The following GSTA4 variants were observed in gnomAD, a reference collection of about 807,000 sequenced individuals.
GSTA4 encodes the protein glutathione S-transferase A4.
Under a neutral mutation model 24.4 loss-of-function variants are expected in GSTA4, and 15 were observed. The observed-to-expected ratio is 0.61, with a 90% CI of 0.41 to 0.95. The LOEUF is 0.95. Among genes scored for constraint, GSTA4 ranks in the 40% least tolerant of loss-of-function variants. The pLI is 0.00. For missense variants in GSTA4, 244 were observed against 262.1 expected (o/e 0.93, Z 0.48); for synonymous variants, 92 against 94.2 (o/e 0.98, Z 0.13).
At chr6:52,986,780 G>A (rs1467043267) in intron 3 of GSTA4, among the ~76,000 whole-genome samples, 1 of 152,232 alleles carries the variant, frequency 6.6e-6, no homozygotes, top group African/African-American at 2.4e-5. Context: ...GGACCCTGCT[G>A]TTGGCTGGGA....
Position 52,978,467 on chromosome 6 carries a change from G to C in GSTA4, c.*3C>G, listed in dbSNP as rs1763386174. The C allele has an allele frequency of 6.2e-7, 1 of 1,613,308 alleles. No homozygotes were observed. Among genetic ancestry groups the C allele is most frequent in the Admixed American group, 1.7e-5 (1 of 59,882 alleles). On this transcript the variant is annotated 3_prime_UTR_variant, in exon 7 of 7. Coordinates refer to ENST00000370963, the MANE Select transcript of GSTA4 (RefSeq NM_001512.4). ...ACTGTCACTCACACATGGATGTGTT[G>C]TTTTATGGCCTAAAGATGTTGTAGA... is the stretch of plus-strand genomic sequence containing the variant.
chr6:52,982,738 T>C (rs768558291), intron 5 of GSTA4, 33 bp from the exon 6 acceptor site: 3 of 1,574,244 alleles, frequency 1.9e-6, no homozygotes, highest in African/African-American at 2.7e-5. Context: ...AGTTACAATA[T>C]TCCACATGGA....
Position 52,978,594 on chromosome 6 carries a change from T to C in GSTA4, c.547-2A>G. On this transcript the variant is annotated splice_acceptor_variant, in intron 6 of 6. Coordinates refer to ENST00000370963, the MANE Select transcript of GSTA4 (RefSeq NM_001512.4). LOFTEE classifies it high-confidence loss of function. ...ATTACTTAGTTTCACTGTGTATTCCTGAAAAAGGAAAACCAAAACTTTAAG... is the reference window on the plus strand; with the variant it reads ...ATTACTTAGTTTCACTGTGTATTCCCGAAAAAGGAAAACCAAAACTTTAAG... 1.3e-6 allele frequency: 2 copies of C among 1,597,654 alleles called. No homozygotes were observed. The highest frequency in any genetic ancestry group is 2.2e-5 in the East Asian group (1 of 44,546).
intron 2 of GSTA4, among the ~76,000 whole-genome samples, chr6:52,988,752 G>A (rs549317911): frequency 4.7e-4 from 71 of 152,132 alleles, no homozygotes; most frequent in African/African-American, 1.6e-3. Flanking sequence ...TAGACATTTG[G>A]GGGAAAACGG....
chr6:52,982,472 AC>A, intron 6 of GSTA4, 101 bp downstream of exon 6: 1 of 651,602 alleles, frequency 1.5e-6, no homozygotes, highest in Non-Finnish European at 2.4e-6. Flanking sequence ...AAAATATTAC[AC>A]ATACACACAC....
At chr6:52,994,086 A>G (rs1164839301) in intron 2 of GSTA4, 71 bp downstream of exon 2, 1 of 1,042,306 alleles carries the variant, frequency 9.6e-7, no homozygotes, top group East Asian at 2.4e-5. Flanking sequence ...ACGGTGCTTC[A>G]AAACGTATTT....
At chr6:52,987,889 T>C (rs1763593194) in intron 2 of GSTA4, 1 of 152,434 alleles carries the variant, frequency 6.6e-6, no homozygotes, top group Non-Finnish European at 1.5e-5. Flanking sequence ...TGTATCAAAA[T>C]ATCAAATGTA....
In GSTA4 at chr6:52,987,519, G is replaced by C. The variant is rs192320353; in HGVS notation, c.88-111C>G. 7.9e-6 allele frequency: 5 copies of C among 634,460 alleles called. No individual in the cohort carries two copies. In the Admixed American group the frequency reaches 1.4e-4, roughly 17 times the overall value. The allele number at this position is 634,460 out of a possible 1,614,324, so 39.3% of individuals were successfully genotyped here. A position where few individuals can be genotyped will look rare whatever the true frequency, so the allele number is the denominator to read the frequency against. On this transcript the variant is annotated intron_variant, in intron 2 of 6. Transcript: ENST00000370963. ...CACCAACAGAAACAGAGGTCATTACGTTAAGTGAAATAAGCCAGGCACAGA... is the reference window on the plus strand; with the variant it reads ...CACCAACAGAAACAGAGGTCATTACCTTAAGTGAAATAAGCCAGGCACAGA...
intron 2 of GSTA4, among the ~76,000 whole-genome samples, chr6:52,990,868 G>A (rs13191212): frequency 0.072 from 10,932 of 152,126 alleles, 461 homozygotes; most frequent in Non-Finnish European, 0.091. Flanking sequence ...GAAACAAGAG[G>A]GCGAGGTGGG....
chr6:52,982,783 T>C (rs1298314391), intron 5 of GSTA4, 78 bp from the exon 6 acceptor site: 3 of 1,074,982 alleles, frequency 2.8e-6, no homozygotes, highest in Non-Finnish European at 4.2e-6. Context: ...GTGCAGTATC[T>C]GAGAAGAGGT....
At chr6:52,987,318 A>G in intron 3 of GSTA4, 39 bp downstream of exon 3, 1 of 1,284,084 alleles carries the variant, frequency 7.8e-7, no homozygotes, top group Non-Finnish European at 1.1e-6. Flanking sequence ...CTTAAAGGAA[A>G]ATCAGTATTA....
At chr6:52,984,681 T>C (rs1763520387) in intron 4 of GSTA4, 76 bp from the exon 5 acceptor site, 2 of 1,087,982 alleles carry the variant, frequency 1.8e-6, no homozygotes, top group Admixed American at 2.9e-5. Flanking sequence ...GAATTCAGAG[T>C]GCTTTTTTTT....
intron 5 of GSTA4, among the ~76,000 whole-genome samples, chr6:52,983,379 T>TCAA (rs1205461917): frequency 2.0e-5 from 3 of 152,182 alleles, no homozygotes; most frequent in African/African-American, 7.2e-5. Context: ...CCCTTCACAG[T>TCAA]CAACTCTTGG....
At chr6:52,988,616 G>A (rs1430354043) in intron 2 of GSTA4, among the ~76,000 whole-genome samples, 2 of 151,964 alleles carry the variant, frequency 1.3e-5, no homozygotes, top group South Asian at 2.1e-4. Context: ...CTCAAGAGTC[G>A]AAGGCATGAA....
chr6:52,978,710 C>A, intron 6 of GSTA4, 118 bp from the exon 7 acceptor site: 1 of 641,084 alleles, frequency 1.6e-6, no homozygotes, highest in Non-Finnish European at 2.6e-6. Context: ...TGAAGAGTTC[C>A]AAGCAGAAAT....
intron 2 of GSTA4, among the ~76,000 whole-genome samples, chr6:52,990,560 T>C (rs181264889): frequency 3.9e-5 from 6 of 152,352 alleles, no homozygotes; most frequent in Admixed American, 6.5e-5. Context: ...GTGGGTCAGA[T>C]GACTCATGTT....
intron 1 of GSTA4, chr6:52,994,992 T>C: frequency 6.6e-6 from 1 of 152,150 alleles, no homozygotes; most frequent in Non-Finnish European, 1.5e-5. Context: ...ACCAATGCAT[T>C]CAGACTCCGC....
chr6:52,981,038 T>C (rs1763442942), intron 6 of GSTA4, among the ~76,000 whole-genome samples: 1 of 152,072 alleles, frequency 6.6e-6, no homozygotes, highest in Non-Finnish European at 1.5e-5. Flanking sequence ...AGGTGAAAAG[T>C]ATCCTAAGTT....
Position 52,978,492 on chromosome 6 carries a change from A to G in GSTA4, c.647T>C (p.Val216Ala). 1 of 1,613,638 alleles carries G rather than the reference A, an allele frequency of 6.2e-7. No individual in the cohort carries two copies. Among genetic ancestry groups the G allele is most frequent in the Non-Finnish European group, 8.5e-7 (1 of 1,179,764 alleles). ...GTTTTATGGCCTAAAGATGTTGTAG[A>G]CGGTTCTCACATAAATTTCATCAGG... The part of the protein sequence containing the change: ...PPPDEIYVRT[V>A]YNIFRP The change falls in exon 7 of 7, where the codon GTC becomes GCC. Residue 216 changes from valine (V) to alanine (A), a missense_variant. Transcript: ENST00000370963.
Sources: gnomAD v4.1 joint callset for allele counts (sites outside exome capture counted in the v4.1 genomes callset) on GRCh38, gnomAD v4.1.1 for gene constraint, MANE v1.5 for transcripts, NCBI Gene and HGNC (gene_info 2026-07-23, HGNC 2026-07-21) for gene names.